The following SHISA9 variants were observed in gnomAD, a reference collection of about 807,000 sequenced individuals.
SHISA9 encodes protein shisa-9.
In SHISA9, 13 loss-of-function variants were observed where a neutral mutation model predicts 38.0. The ratio of observed to expected loss-of-function variants is 0.34; its 90% CI spans 0.22 to 0.54. The LOEUF (loss-of-function observed/expected upper bound fraction) is 0.54, where lower values mean the gene tolerates loss of function less well. SHISA9 is among the 20% of genes least tolerant of loss of function. SHISA9 has a pLI of 0.91. For synonymous variants in SHISA9, 275 were observed against 242.0 expected, an observed-to-expected ratio of 1.14 and a Z score of -1.27; for missense variants, 538 against 575.8, an observed-to-expected ratio of 0.93 and a Z score of 0.67.
chr16:13,152,589 G>A (rs2050509035), intron 2 of SHISA9, among the ~76,000 whole-genome samples: 1 of 152,008 alleles, frequency 6.6e-6, no homozygotes, highest in South Asian at 2.1e-4. Context: ...TCCATTATTG[G>A]GTCACTCAAC....
At chr16:13,562,565 G>A in the SHISA9 span, 4 of 151,304 alleles carry the variant, frequency 2.6e-5, no homozygotes, top group African/African-American at 9.7e-5. Flanking sequence ...GGGAGGCTGA[G>A]GTTACAGTGA....
chr16:12,973,279 C>G (rs1237014783), intron 2 of SHISA9, among the ~76,000 whole-genome samples: 1 of 152,202 alleles, frequency 6.6e-6, no homozygotes. Flanking sequence ...CAAATGCTAA[C>G]AGGTTTCCTG....
the SHISA9 span, among the ~76,000 whole-genome samples, chr16:13,422,687 C>A: frequency 6.6e-6 from 1 of 151,126 alleles, no homozygotes; most frequent in African/African-American, 2.4e-5. Context: ...AAGAGTGAGA[C>A]TCTGTCTCAA....
intron 2 of SHISA9, among the ~76,000 whole-genome samples, chr16:13,050,805 A>T (rs76482300): frequency 0.031 from 4,752 of 152,268 alleles, 163 homozygotes; most frequent in South Asian, 0.14. Flanking sequence ...TCTGTGCTCA[A>T]GCTGTTTTTA....
At chr16:13,475,686 T>G in the SHISA9 span, among the ~76,000 whole-genome samples, 1 of 152,172 alleles carries the variant, frequency 6.6e-6, no homozygotes, top group Non-Finnish European at 1.5e-5. Flanking sequence ...TTTATTTCTA[T>G]TATGATAACA....
chr16:13,219,308 A>T (rs562044848), intron 4 of SHISA9, among the ~76,000 whole-genome samples: 1 of 152,132 alleles, frequency 6.6e-6, no homozygotes, highest in Non-Finnish European at 1.5e-5. Flanking sequence ...ATCAACATAT[A>T]TTTTGTTAAT....
At chr16:13,003,285 GA>G (rs1410751466) in intron 2 of SHISA9, among the ~76,000 whole-genome samples, 4 of 152,198 alleles carry the variant, frequency 2.6e-5, no homozygotes, top group Non-Finnish European at 5.9e-5. Flanking sequence ...AAGGCAGGGG[GA>G]AAACATGATC....
intron 2 of SHISA9, among the ~76,000 whole-genome samples, chr16:13,078,027 T>C (rs2073603654): frequency 6.6e-6 from 1 of 152,212 alleles, no homozygotes; most frequent in Non-Finnish European, 1.5e-5. Flanking sequence ...CTTTATTGAC[T>C]AAAACCACAG....
chr16:13,150,447 G>C (rs2050489389), intron 2 of SHISA9, among the ~76,000 whole-genome samples: 2 of 152,108 alleles, frequency 1.3e-5, no homozygotes, highest in South Asian at 4.1e-4. Context: ...TATTGTGGTA[G>C]ACTTGGCCCT....
At chr16:13,254,470 C>T in the SHISA9 span, among the ~76,000 whole-genome samples, 1 of 152,186 alleles carries the variant, frequency 6.6e-6, no homozygotes, top group East Asian at 1.9e-4. Context: ...TCTCTGGGAA[C>T]AGAGTTTAGG....
At chr16:13,400,647 T>C in the SHISA9 span, among the ~76,000 whole-genome samples, 3 of 152,214 alleles carry the variant, frequency 2.0e-5, no homozygotes, top group Non-Finnish European at 4.4e-5. Context: ...CCCCACAATG[T>C]TGTCTCGATC....
chr16:13,302,680 A>C, the SHISA9 span, among the ~76,000 whole-genome samples: 2 of 152,128 alleles, frequency 1.3e-5, no homozygotes, highest in African/African-American at 2.4e-5. Context: ...CCATCTAGAT[A>C]ATCTCACTTC....
At chr16:13,506,015 CCT>C in the SHISA9 span, among the ~76,000 whole-genome samples, 2 of 152,116 alleles carry the variant, frequency 1.3e-5, no homozygotes, top group East Asian at 3.8e-4. Flanking sequence ...TATCTAGGTC[CCT>C]CTCAGAGACA....
intron 1 of SHISA9, among the ~76,000 whole-genome samples, chr16:12,912,603 G>C (rs908205054): frequency 2.0e-5 from 3 of 152,110 alleles, no homozygotes; most frequent in African/African-American, 7.2e-5. Context: ...AGGCAAGTTA[G>C]GTTTGGAAGG....
At chr16:12,921,132 C>G (rs2071322803) in intron 2 of SHISA9, among the ~76,000 whole-genome samples, 1 of 152,180 alleles carries the variant, frequency 6.6e-6, no homozygotes, top group Non-Finnish European at 1.5e-5. Context: ...TCCATATACC[C>G]TTACAACCAC....
intron 2 of SHISA9, among the ~76,000 whole-genome samples, chr16:13,026,098 C>A (rs2072918357): frequency 6.6e-6 from 1 of 152,172 alleles, no homozygotes; most frequent in Non-Finnish European, 1.5e-5. Flanking sequence ...AGCCACCGCG[C>A]CCACCTTAAC....
chr16:13,226,101 T>G (rs996640881), intron 4 of SHISA9, among the ~76,000 whole-genome samples: 1 of 152,172 alleles, frequency 6.6e-6, no homozygotes, highest in African/African-American at 2.4e-5. Context: ...TGCAAGTAGC[T>G]TTTTAATATA....
At chr16:13,018,473 C>T (rs1596588017) in intron 2 of SHISA9, among the ~76,000 whole-genome samples, 1 of 152,214 alleles carries the variant, frequency 6.6e-6, no homozygotes, top group Admixed American at 6.5e-5. Flanking sequence ...CCAAATCCTC[C>T]ACCTCATGGC....
intron 2 of SHISA9, among the ~76,000 whole-genome samples, chr16:13,096,660 A>C (rs970035799): frequency 6.6e-6 from 1 of 152,216 alleles, no homozygotes; most frequent in African/African-American, 2.4e-5. Context: ...TACTATGAGT[A>C]ACTTCTTGGA....
Sources: allele counts gnomAD v4.1 joint callset (sites outside exome capture counted in the v4.1 genomes callset), GRCh38; gene constraint gnomAD v4.1.1; transcripts MANE v1.5; gene names NCBI Gene and HGNC (gene_info 2026-07-23, HGNC 2026-07-21).